The following ANKIB1 variants were observed in gnomAD, a reference collection of about 807,000 sequenced individuals.
ANKIB1 encodes the protein ankyrin repeat and IBR domain-containing protein 1.
ANKIB1 carries 43 observed loss-of-function variants against 122.1 expected under a neutral mutation model. The observed-to-expected ratio is 0.35, with a 90% CI of 0.28 to 0.45. The LOEUF (loss-of-function observed/expected upper bound fraction) is 0.45, where lower values mean the gene tolerates loss of function less well. Among genes scored for constraint, ANKIB1 ranks in the 20% least tolerant of loss-of-function variants. The probability of loss-of-function intolerance (pLI) is 1.00; values close to 1 mark genes in which losing one functional copy is unlikely to be tolerated. For missense variants in ANKIB1, 992 were observed against 1,329.5 expected (o/e 0.75, Z 3.95); for synonymous variants, 390 against 442.0 (o/e 0.88, Z 1.48).
At chr7:92,257,586 A>G (rs1801473910) in intron 1 of ANKIB1, among the ~76,000 whole-genome samples, 1 of 152,224 alleles carries the variant, frequency 6.6e-6, no homozygotes, top group Non-Finnish European at 1.5e-5. Flanking sequence ...TGAGGTTGGG[A>G]GTTCGAGACC....
Position 92,384,629 on chromosome 7 carries a change from A to C in ANKIB1, c.1618-1880A>C, listed in dbSNP as rs182830874. ...TTGACAAACCTGACAAAAACAAGAA[A>C]TGGGGAAAGGATTCCCTGTTTAATA... On this transcript the variant is annotated intron_variant, in intron 11 of 19. Coordinates refer to ENST00000265742, the MANE Select transcript of ANKIB1 (RefSeq NM_019004.2). Among the ~76,000 whole-genome samples the C allele has an allele frequency of 8.5e-5, 13 of 152,324 alleles. No homozygotes were observed. The East Asian group carries it at 2.3e-3, about 27-fold the overall frequency.
chr7:92,364,456 A>G (rs1177812821), intron 10 of ANKIB1, among the ~76,000 whole-genome samples: 2 of 152,060 alleles, frequency 1.3e-5, no homozygotes. Context: ...TCTTCCATAA[A>G]TAGATTCATA....
chr7:92,392,623 TA>T lies in ANKIB1; in HGVS notation c.2283+333del, dbSNP rs760222622. Among the ~76,000 whole-genome samples, 24 of 152,226 alleles carry T rather than the reference TA, an allele frequency of 1.6e-4. No homozygotes were observed. In the East Asian group the frequency reaches 2.9e-3, roughly 18 times the overall value. Reference sequence around the variant, plus strand: ...TGCATTTCTAGTCATAATATTGTTTTAATCTGAAACTATTAAAAATATAAAA... The same window carrying T: ...TGCATTTCTAGTCATAATATTGTTTTATCTGAAACTATTAAAAATATAAAA... On this transcript the variant is annotated intron_variant, in intron 17 of 19. Coordinates refer to ENST00000265742, the MANE Select transcript of ANKIB1 (RefSeq NM_019004.2).
At chr7:92,288,035 CAAAAAAA>C (rs35766675) in intron 1 of ANKIB1, among the ~76,000 whole-genome samples, 1 of 90,180 alleles carries the variant, frequency 1.1e-5, no homozygotes, top group Non-Finnish European at 2.1e-5. Context: ...GACTCCGTCT[CAAAAAAA>C]AAAAAAAAAA....
At chr7:92,266,570 C>T (rs774527810) in intron 1 of ANKIB1, among the ~76,000 whole-genome samples, 45 of 152,258 alleles carry the variant, frequency 3.0e-4, no homozygotes, top group Non-Finnish European at 4.0e-4. Flanking sequence ...AGAAAACCCT[C>T]CTCTGAGGGG....
intron 9 of ANKIB1, among the ~76,000 whole-genome samples, chr7:92,357,785 A>C (rs1216856443): frequency 1.3e-5 from 2 of 151,744 alleles, no homozygotes; most frequent in African/African-American, 4.8e-5. Flanking sequence ...GTAAGTTGGC[A>C]TTCTAGCATC....
At chr7:92,350,124 C>G (rs1383697070) in intron 7 of ANKIB1, among the ~76,000 whole-genome samples, 1 of 150,986 alleles carries the variant, frequency 6.6e-6, no homozygotes, top group East Asian at 2.0e-4. Context: ...TCAAGTATAC[C>G]TAAGTAGGAA....
At chr7:92,321,931 C>T (rs1802921068) in intron 4 of ANKIB1, among the ~76,000 whole-genome samples, 1 of 152,198 alleles carries the variant, frequency 6.6e-6, no homozygotes, top group Non-Finnish European at 1.5e-5. Flanking sequence ...ATTTAATCCA[C>T]ATGGGAACCT....
In ANKIB1 at chr7:92,398,367, G is replaced by A; in HGVS notation, c.2688G>A (p.Leu896=). Residue 896 remains leucine, a synonymous_variant, in exon 20 of 20, where the codon CTG becomes CTA. Transcript: ENST00000265742. ...TAGGCACTTCTTTACCTTCCAGGCTGGACTCTGTCCCCAGAAATACAGATA... is the reference window on the plus strand; with the variant it reads ...TAGGCACTTCTTTACCTTCCAGGCTAGACTCTGTCCCCAGAAATACAGATA... ...GAIGTSLPSR[L]DSVPRNTDSP... 6.2e-7 allele frequency: 1 copy of A among 1,613,242 alleles called. No homozygotes were observed. Among genetic ancestry groups the A allele is most frequent in the Non-Finnish European group, 8.5e-7 (1 of 1,179,568 alleles).
At chr7:92,312,958 G>C (rs1429728045) in intron 3 of ANKIB1, among the ~76,000 whole-genome samples, 1 of 152,112 alleles carries the variant, frequency 6.6e-6, no homozygotes. Flanking sequence ...GCATGGCTTA[G>C]TAAAACATCC....
chr7:92,364,420 T>A (rs991351386), intron 10 of ANKIB1, among the ~76,000 whole-genome samples: 1 of 151,648 alleles, frequency 6.6e-6, no homozygotes, highest in African/African-American at 2.4e-5. Flanking sequence ...CCTATTCTGA[T>A]ATGTATGGGT....
chr7:92,397,614 C>G, intron 18 of ANKIB1, 109 bp from the exon 19 acceptor site: 1 of 1,213,356 alleles, frequency 8.2e-7, no homozygotes, highest in Non-Finnish European at 1.2e-6. Context: ...CACAGGTTTT[C>G]CCCAGCACTG....
At chr7:92,329,448 T>C (rs1048168853) in intron 5 of ANKIB1, among the ~76,000 whole-genome samples, 2 of 152,224 alleles carry the variant, frequency 1.3e-5, no homozygotes, top group African/African-American at 4.8e-5. Flanking sequence ...ATATGTGTTG[T>C]GAACAAGTCT....
intron 5 of ANKIB1, among the ~76,000 whole-genome samples, chr7:92,334,855 T>C (rs1318482488): frequency 6.6e-6 from 1 of 151,962 alleles, no homozygotes; most frequent in Non-Finnish European, 1.5e-5. Context: ...CATTTTTTTC[T>C]TTTTGCTGTT....
intron 1 of ANKIB1, among the ~76,000 whole-genome samples, chr7:92,291,372 C>T (rs1802241838): frequency 6.6e-6 from 1 of 151,926 alleles, no homozygotes; most frequent in African/African-American, 2.4e-5. Context: ...CCCCATTTAC[C>T]CTGGTGTGAT....
At chr7:92,258,571 A>G (rs1026842453) in intron 1 of ANKIB1, among the ~76,000 whole-genome samples, 1 of 152,210 alleles carries the variant, frequency 6.6e-6, no homozygotes, top group Non-Finnish European at 1.5e-5. Context: ...TACTGGTTAT[A>G]TACGATCATT....
intron 1 of ANKIB1, among the ~76,000 whole-genome samples, chr7:92,273,047 T>G (rs1052498071): frequency 3.3e-5 from 5 of 152,200 alleles, no homozygotes; most frequent in Admixed American, 6.5e-5. Flanking sequence ...ATAAGTACAG[T>G]ATTTGCCACA....
At chr7:92,319,306 G>A (rs745455887) in intron 3 of ANKIB1, 24 bp from the exon 4 acceptor site, 2 of 1,526,482 alleles carry the variant, frequency 1.3e-6, no homozygotes, top group South Asian at 1.3e-5. Context: ...GTAGTTGCAA[G>A]TTTTTGAAAA....
chr7:92,301,029 T>C (rs1374787485), intron 2 of ANKIB1, among the ~76,000 whole-genome samples: 1 of 152,204 alleles, frequency 6.6e-6, no homozygotes, highest in Non-Finnish European at 1.5e-5. Flanking sequence ...AGGATTTCCT[T>C]CTTTTTTAAG....
Sources: gnomAD v4.1 joint callset for allele counts (sites outside exome capture counted in the v4.1 genomes callset) on GRCh38, gnomAD v4.1.1 for gene constraint, MANE v1.5 for transcripts, NCBI Gene and HGNC (gene_info 2026-07-23, HGNC 2026-07-21) for gene names.